PCSK6: variants seen among roughly 807,000 people sequenced by gnomAD.
PCSK6 encodes the protein proprotein convertase subtilisin/kexin type 6, also known as paired basic amino acid cleaving enzyme 4.
Under a neutral mutation model 123.3 loss-of-function variants are expected in PCSK6, and 85 were observed. The observed-to-expected ratio is 0.69, with a 90% CI of 0.58 to 0.83. The LOEUF (loss-of-function observed/expected upper bound fraction) is 0.83, where lower values mean the gene tolerates loss of function less well. Ranked by LOEUF, PCSK6 falls within the 40% of genes least tolerant of loss-of-function variation. PCSK6 has a pLI of 0.00. For missense variants in PCSK6, 1,191 were observed against 1,282.3 expected, an observed-to-expected ratio of 0.93 and a Z score of 1.09; for synonymous variants, 508 against 516.0, an observed-to-expected ratio of 0.98 and a Z score of 0.21.
At chr15:101,362,618 T>C (rs896428044) in intron 13 of PCSK6, among the ~76,000 whole-genome samples, 2 of 151,718 alleles carry the variant, frequency 1.3e-5, no homozygotes, top group Non-Finnish European at 2.9e-5. Context: ...CTAGAGGGGG[T>C]GAGCTGCCAA....
intron 1 of PCSK6, among the ~76,000 whole-genome samples, chr15:101,448,384 T>TA (rs1017552782): frequency 1.3e-5 from 2 of 152,082 alleles, no homozygotes; most frequent in Non-Finnish European, 1.5e-5. Context: ...CTCTGACATT[T>TA]AAAAAAATAT....
intron 17 of PCSK6, 138 bp downstream of exon 17, chr15:101,324,712 T>TC: frequency 1.5e-6 from 1 of 689,142 alleles, no homozygotes; most frequent in Non-Finnish European, 2.4e-6. Flanking sequence ...TCTGCCTCCT[T>TC]CCCTGTTCAA....
At chr15:101,392,538 T>C (rs2141549544) in intron 8 of PCSK6, among the ~76,000 whole-genome samples, 1 of 151,718 alleles carries the variant, frequency 6.6e-6, no homozygotes, top group Non-Finnish European at 1.5e-5. Flanking sequence ...CAAGTCAACG[T>C]AATGACTTTG....
At chr15:101,322,934 G>T (rs1019368324) in intron 17 of PCSK6, among the ~76,000 whole-genome samples, 9 of 152,242 alleles carry the variant, frequency 5.9e-5, no homozygotes, top group Non-Finnish European at 1.2e-4. Flanking sequence ...CATGAAAGTG[G>T]CCGGGTGTGG....
intron 6 of PCSK6, 37 bp downstream of exon 6, chr15:101,427,855 G>A (rs1340798479): frequency 6.7e-7 from 1 of 1,495,630 alleles, no homozygotes; most frequent in Non-Finnish European, 9.1e-7. Context: ...CCCTGCCCCA[G>A]GCCCCTCGGC....
intron 21 of PCSK6, 150 bp downstream of exon 21, chr15:101,307,063 A>T: frequency 3.2e-6 from 2 of 633,492 alleles, no homozygotes; most frequent in Non-Finnish European, 5.7e-6. Context: ...TATCAGCTAG[A>T]GGAATCCCAG....
At chr15:101,313,183 G>C (rs754971349) in intron 20 of PCSK6, 193 bp downstream of exon 20, 1 of 1,515,310 alleles carries the variant, frequency 6.6e-7, no homozygotes, top group South Asian at 1.3e-5. Flanking sequence ...CCACAGCAGG[G>C]ACCCAACAAA....
chr15:101,359,090 C>T (rs989683048), intron 13 of PCSK6, among the ~76,000 whole-genome samples: 1 of 152,206 alleles, frequency 6.6e-6, no homozygotes, highest in African/African-American at 2.4e-5. Flanking sequence ...TCAGCTGTGG[C>T]AGGACGCATG....
In PCSK6 at chr15:101,324,831, CCACA is replaced by C. The variant is rs756504316; in HGVS notation, c.2377+15_2377+18del. ...GGGGCTGGCTCATCAGTTCTTGTAC[CCACA>C]AACAAGCCACTTACTTTCATCAGCA... On this transcript the variant is annotated intron_variant, in intron 17 of 21. Transcript: ENST00000611716. 6.2e-7 allele frequency: 1 copy of C among 1,601,032 alleles called. No individual in the cohort carries two copies. Among genetic ancestry groups the C allele is most frequent in the East Asian group, 2.2e-5 (1 of 44,662 alleles).
chr15:101,379,718 C>T (rs983830706), intron 11 of PCSK6, among the ~76,000 whole-genome samples: 1 of 152,222 alleles, frequency 6.6e-6, no homozygotes, highest in African/African-American at 2.4e-5. Context: ...GGGAAAATGG[C>T]TGTGTGGGAA....
rs924658831 is a variant in PCSK6 at position 101,326,644 on chromosome 15, T to C, written c.2078-165A>G. 2.0e-5 allele frequency among the ~76,000 whole-genome samples: 3 copies of C among 152,228 alleles called. No homozygotes were observed. In the East Asian group the frequency reaches 5.8e-4, roughly 29 times the overall value. On this transcript the variant is annotated intron_variant, in intron 15 of 21. Coordinates refer to ENST00000611716, the MANE Select transcript of PCSK6 (RefSeq NM_002570.5). ...ACGACAAGGCGGGAGCAGCCGTCCC[T>C]GCGGGTAACAGGCACAGCTGAGCCT... is the stretch of plus-strand genomic sequence containing the variant.
chr15:101,398,520 T>C lies in PCSK6; in HGVS notation c.880A>G (p.Ile294Val), dbSNP rs753622273. The change falls in exon 7 of 22, where the codon ATC becomes GTC. Residue 294 changes from isoleucine (I) to valine (V), a missense_variant. By Grantham distance (29) the Ile-to-Val change is conservative (BLOSUM62 3). Transcript: ENST00000611716. The surrounding 1 kb of genome is among the most constrained non-coding windows in gnomAD (Gnocchi z 4.6). ...TAAATGTCGATGTAGTTGGGTCTGA[T>C]GCCCAGCGACTTTGCCTCGACCACA... The part of the protein sequence containing the change: ...TDVVEAKSLG[I>V]RPNYIDIYSA... 1.2e-6 allele frequency: 2 copies of C among 1,613,922 alleles called. No homozygotes were observed. Among genetic ancestry groups the C allele is most frequent in the Non-Finnish European group, 1.7e-6 (2 of 1,179,820 alleles).
intron 17 of PCSK6, among the ~76,000 whole-genome samples, chr15:101,323,565 T>C (rs940946628): frequency 2.6e-5 from 4 of 152,086 alleles, no homozygotes; most frequent in African/African-American, 9.7e-5. Context: ...ACCCCATCTC[T>C]ACTAAAAATA....
chr15:101,331,287 C>G (rs1246857483), intron 15 of PCSK6, among the ~76,000 whole-genome samples: 1 of 152,242 alleles, frequency 6.6e-6, no homozygotes, highest in Non-Finnish European at 1.5e-5. Flanking sequence ...TTCAAGGCAT[C>G]TGTGAAGCAT....
At chr15:101,393,486 C>G in intron 7 of PCSK6, 62 bp from the exon 8 acceptor site, 1 of 1,343,758 alleles carries the variant, frequency 7.4e-7, no homozygotes, top group South Asian at 1.3e-5. Context: ...TGGGTCTCCC[C>G]CCGAACCTAG....
At chr15:101,369,236 C>T (rs1395493186) in intron 12 of PCSK6, among the ~76,000 whole-genome samples, 1 of 152,254 alleles carries the variant, frequency 6.6e-6, no homozygotes, top group Admixed American at 6.5e-5. Context: ...GACAATGGCC[C>T]TGTCTACCTT....
In PCSK6 at chr15:101,370,510, C is replaced by T; in HGVS notation, c.1546G>A (p.Val516Met). ...AGGGCCGTAGTCCGCAGCACCTGCA[C>T]TAAGGGGATGCTCCTGGGGGAGAAG... ...SDKRPRSIPL[V>M]QVLRTTALTS... Residue 516 changes from valine (V) to methionine (M), a missense_variant, in exon 12 of 22, where the codon GTG (valine) becomes ATG (methionine). Val to Met is a conservative substitution (Grantham distance 21). This residue lies in a region of PCSK6 where 630 missense variants were observed against 631.4 expected (regional missense o/e 1.00). Coordinates refer to ENST00000611716, the MANE Select transcript of PCSK6 (RefSeq NM_002570.5). The T allele has an allele frequency of 1.3e-6, 2 of 1,505,314 alleles. No individual in the cohort carries two copies. The highest frequency in any genetic ancestry group is 1.8e-6 in the Non-Finnish European group (2 of 1,119,898). 93.2% of individuals were successfully genotyped at this position (1,505,314 alleles called of 1,614,324 possible). A position where few individuals can be genotyped will look rare whatever the true frequency, so the allele number is the denominator to read the frequency against.
chr15:101,440,572 T>C (rs547495637), intron 2 of PCSK6, among the ~76,000 whole-genome samples: 1 of 152,370 alleles, frequency 6.6e-6, no homozygotes, highest in East Asian at 1.9e-4. Context: ...CGTCTGCATT[T>C]GATGGAACTT....
At chr15:101,446,549 C>T (rs967624823) in intron 1 of PCSK6, among the ~76,000 whole-genome samples, 29 of 152,362 alleles carry the variant, frequency 1.9e-4, no homozygotes, top group African/African-American at 6.5e-4. Flanking sequence ...GCCACACCCA[C>T]CCTTTCCCTA....
Sources: gnomAD v4.1 joint callset for allele counts (sites outside exome capture counted in the v4.1 genomes callset) on GRCh38, gnomAD v4.1.1 for gene constraint, gnomAD v4.1.1 regional missense constraint, Gnocchi (gnomAD v3.1) non-coding constraint, MANE v1.5 for transcripts, NCBI Gene and HGNC (gene_info 2026-07-23, HGNC 2026-07-21) for gene names.